The following RUNX1T1 variants were observed in gnomAD, a reference collection of about 807,000 sequenced individuals.
RUNX1T1 encodes RUNX1 partner transcriptional co-repressor 1, also known as protein CBFA2T1.
Under a neutral mutation model 62.8 loss-of-function variants are expected in RUNX1T1, and 4 were observed. The observed-to-expected ratio is 0.06, with a 90% CI of 0.03 to 0.15. The LOEUF (loss-of-function observed/expected upper bound fraction) is 0.15, where lower values mean the gene tolerates loss of function less well. RUNX1T1 is among the 10% of genes least tolerant of loss of function. The pLI, the probability that RUNX1T1 is intolerant of heterozygous loss-of-function variation, is 1.00. For missense variants in RUNX1T1, 508 were observed against 754.3 expected (o/e 0.67, Z 3.82); for synonymous variants, 291 against 286.0 (o/e 1.02, Z -0.18).
At chr8:91,982,657 C>G (rs1815594161) in intron 8 of RUNX1T1, among the ~76,000 whole-genome samples, 1 of 152,108 alleles carries the variant, frequency 6.6e-6, no homozygotes, top group Admixed American at 6.5e-5. Flanking sequence ...ATAGAGACAG[C>G]AGTGTTAAAA....
intron 1 of RUNX1T1, among the ~76,000 whole-genome samples, chr8:92,077,830 C>T (rs894703802): frequency 6.6e-5 from 10 of 152,028 alleles, no homozygotes; most frequent in African/African-American, 2.2e-4. Context: ...AAATATCAGA[C>T]CAATGTCTGG....
chr8:91,964,080 T>C (rs1314814561), intron 10 of RUNX1T1, among the ~76,000 whole-genome samples: 5 of 152,206 alleles, frequency 3.3e-5, no homozygotes, highest in Non-Finnish European at 5.9e-5. Context: ...AATTTGTGGC[T>C]GAACACGAAC....
At chr8:92,064,620 A>ATT (rs961547632), upstream of RUNX1T1, among the ~76,000 whole-genome samples, 5 of 149,856 alleles carry the variant, frequency 3.3e-5, no homozygotes, top group African/African-American at 4.9e-5. Flanking sequence ...CATGCCACTG[A>ATT]TTTTTTTTTT....
rs145648715 is a variant in RUNX1T1, at chr8:91,986,238, A to G, written c.1084T>C (p.Leu362=). The change falls in exon 8 of 11, where the codon TTG becomes CTG. Residue 362 remains leucine, a synonymous_variant. Coordinates refer to ENST00000396218, the Ensembl canonical transcript of RUNX1T1. ...CTGTACCGCCGGATCCAGTAATTCA[A>G]TTCTTCCCGGTCTGCTTCTTGACAC... 7.6e-4 allele frequency: 1,233 copies of G among 1,613,966 alleles called. 6 individuals are homozygous for G. In the African/African-American group the frequency reaches 0.013, roughly 17 times the overall value.
chr8:92,006,853 G>C (rs1017585614), intron 4 of RUNX1T1: 1 of 151,888 alleles, frequency 6.6e-6, no homozygotes, highest in Non-Finnish European at 1.5e-5. Context: ...CCTCAAGTCA[G>C]TTTTCTAAGA....
chr8:92,002,772 T>A (rs886124324), intron 5 of RUNX1T1, among the ~76,000 whole-genome samples: 4 of 151,972 alleles, frequency 2.6e-5, no homozygotes, highest in Non-Finnish European at 1.5e-5. Context: ...AACAAAACAT[T>A]CAGTAAAACA....
At chr8:92,051,700 A>T (rs995125261) in intron 1 of RUNX1T1, among the ~76,000 whole-genome samples, 3 of 151,894 alleles carry the variant, frequency 2.0e-5, no homozygotes, top group Non-Finnish European at 4.4e-5. Flanking sequence ...AGATATAAAC[A>T]TCATTGAAAT....
intron 9 of RUNX1T1, among the ~76,000 whole-genome samples, chr8:91,971,393 G>C (rs190209390): frequency 3.3e-5 from 5 of 152,002 alleles, no homozygotes; most frequent in Admixed American, 3.3e-4. Context: ...CAGGTCAAGA[G>C]TTCAGAAAAA....
At chr8:92,036,676 C>A (rs1188919352) in intron 1 of RUNX1T1, among the ~76,000 whole-genome samples, 1 of 152,178 alleles carries the variant, frequency 6.6e-6, no homozygotes, top group African/African-American at 2.4e-5. Context: ...CTCTTTATCT[C>A]CTTTTTTCTA....
At chr8:92,043,279 GA>G (rs1265829100) in intron 1 of RUNX1T1, among the ~76,000 whole-genome samples, 1 of 152,034 alleles carries the variant, frequency 6.6e-6, no homozygotes, top group Non-Finnish European at 1.5e-5. Context: ...CATTTTCCAA[GA>G]TTAGATGAGA....
At chr8:92,051,390 G>A (rs1288403598) in intron 1 of RUNX1T1, among the ~76,000 whole-genome samples, 1 of 151,980 alleles carries the variant, frequency 6.6e-6, no homozygotes, top group Non-Finnish European at 1.5e-5. Flanking sequence ...TGTTTTAAGT[G>A]CCGTACGTGA....
At chr8:91,970,597 A>G in intron 10 of RUNX1T1, 61 bp downstream of exon 11, 1 of 1,378,758 alleles carries the variant, frequency 7.3e-7, no homozygotes, top group Non-Finnish European at 9.8e-7. Flanking sequence ...TTGAATGAAG[A>G]ATGAGCACTC....
At chr8:92,038,939 C>T (rs1827912369) in intron 1 of RUNX1T1, among the ~76,000 whole-genome samples, 2 of 152,058 alleles carry the variant, frequency 1.3e-5, no homozygotes, top group Non-Finnish European at 2.9e-5. Flanking sequence ...TGGAGTCTCT[C>T]TCATCCAGAA....
chr8:92,032,790 T>C (rs962924629), intron 1 of RUNX1T1, among the ~76,000 whole-genome samples: 24 of 151,918 alleles, frequency 1.6e-4, no homozygotes, highest in Non-Finnish European at 3.2e-4. Context: ...AAAAATGAAA[T>C]AGCTCCATCA....
At chr8:91,974,979 CA>C (rs1248123176) in intron 9 of RUNX1T1, among the ~76,000 whole-genome samples, 1 of 152,028 alleles carries the variant, frequency 6.6e-6, no homozygotes, top group Admixed American at 6.5e-5. Flanking sequence ...TAGAAAAAAA[CA>C]AAAAATCTGT....
chr8:91,975,449 T>C (rs181355125), intron 9 of RUNX1T1, among the ~76,000 whole-genome samples: 16 of 151,964 alleles, frequency 1.1e-4, no homozygotes, highest in Admixed American at 1.0e-3. Flanking sequence ...ATTATCTGAG[T>C]ACTTTAACAA....
intron 1 of RUNX1T1, among the ~76,000 whole-genome samples, chr8:92,027,893 A>G (rs931223735): frequency 6.6e-6 from 1 of 152,024 alleles, no homozygotes; most frequent in Non-Finnish European, 1.5e-5. Flanking sequence ...CCCTTCCTCT[A>G]TAGCACTTAT....
chr8:92,102,824 G>A, upstream of RUNX1T1: 2 of 1,494,064 alleles, frequency 1.3e-6, no homozygotes, highest in Admixed American at 2.3e-5. The surrounding 1 kb of genome is among the most constrained non-coding windows in gnomAD (Gnocchi z 4.5). Context: ...CCCGCCGCCC[G>A]CCCGCCGGCC....
intron 9 of RUNX1T1, 153 bp from the exon 11 acceptor site, chr8:91,971,001 A>G: frequency 1.9e-6 from 1 of 524,484 alleles, no homozygotes; most frequent in South Asian, 4.1e-5. Context: ...AATTTCCCCT[A>G]GCAGCTGGAA....
Sources: gnomAD v4.1 joint callset for allele counts (sites outside exome capture counted in the v4.1 genomes callset) on GRCh38, gnomAD v4.1.1 for gene constraint, Gnocchi (gnomAD v3.1) non-coding constraint, MANE v1.5 for transcripts, NCBI Gene and HGNC (gene_info 2026-07-23, HGNC 2026-07-21) for gene names.